MAP3K13: variants seen among roughly 807,000 people sequenced by gnomAD.
MAP3K13 encodes mitogen-activated protein kinase kinase kinase 13.
In MAP3K13, 52 loss-of-function variants were observed where a neutral mutation model predicts 104.0. That is an observed-to-expected ratio of 0.50 (90% CI 0.40 to 0.63). The LOEUF (loss-of-function observed/expected upper bound fraction) is 0.63. MAP3K13 is among the 20% of genes least tolerant of loss of function. MAP3K13 has a pLI of 0.00. For synonymous variants in MAP3K13, 394 were observed against 442.2 expected (o/e 0.89, Z 1.37); for missense variants, 914 against 1,218.5 (o/e 0.75, Z 3.72).
upstream of MAP3K13, among the ~76,000 whole-genome samples, chr3:185,361,641 G>A (rs1723633045): frequency 6.6e-6 from 1 of 152,166 alleles, no homozygotes; most frequent in Admixed American, 6.5e-5. Context: ...CTGACCTCGT[G>A]ATCCGCCCAC....
chr3:185,343,448 G>A (rs929798474), intron 2 of MAP3K13, among the ~76,000 whole-genome samples: 1 of 151,976 alleles, frequency 6.6e-6, no homozygotes, highest in African/African-American at 2.4e-5. Context: ...TCTCAGCAGG[G>A]TATGTTTATT....
At chr3:185,422,980 G>A (rs1168513195) in intron 1 of MAP3K13, among the ~76,000 whole-genome samples, 3 of 152,166 alleles carry the variant, frequency 2.0e-5, no homozygotes, top group Non-Finnish European at 4.4e-5. Flanking sequence ...AAACCCTATT[G>A]TGAACTGTGC....
chr3:185,377,879 CG>C (rs979291392), intron 1 of MAP3K13, among the ~76,000 whole-genome samples: 5 of 152,196 alleles, frequency 3.3e-5, no homozygotes, highest in African/African-American at 1.2e-4. Flanking sequence ...GGCTGCCGGG[CG>C]AGTTGGACAG....
rs139022594 is a variant in MAP3K13 at position 185,435,200 on chromosome 3, C to T, written c.476-2247C>T. 2.8e-3 allele frequency among the ~76,000 whole-genome samples: 412 copies of T among 148,806 alleles called. 4 individuals are homozygous for T. Among genetic ancestry groups the T allele is most frequent in the African/African-American group, 9.4e-3 (376 of 40,176 alleles). ...TTTTTTTTTGTATTTTTAATAGAGA[C>T]GGGGTTTCACCATATTGGCCAGGCT... On this transcript the variant is annotated intron_variant, in intron 2 of 13. Coordinates refer to ENST00000265026, the MANE Select transcript of MAP3K13 (RefSeq NM_004721.5).
At chr3:185,384,980 C>T (rs1297640358) in intron 1 of MAP3K13, among the ~76,000 whole-genome samples, 10 of 152,086 alleles carry the variant, frequency 6.6e-5, no homozygotes, top group Admixed American at 6.5e-4. Flanking sequence ...TTTTTGTTTA[C>T]TGTGCTTTTG....
intron 7 of MAP3K13, among the ~76,000 whole-genome samples, chr3:185,455,215 T>C (rs1049465699): frequency 2.5e-5 from 2 of 80,674 alleles, no homozygotes; most frequent in East Asian, 6.4e-4. Context: ...ATATATGAGA[T>C]ATATATATGA....
intron 2 of MAP3K13, among the ~76,000 whole-genome samples, chr3:185,310,029 A>T (rs976381834): frequency 2.0e-5 from 3 of 152,208 alleles, no homozygotes; most frequent in South Asian, 4.1e-4. Flanking sequence ...AGGGACAAGG[A>T]TGGAGAGAGA....
chr3:185,330,898 C>T (rs1192657456), intron 2 of MAP3K13, among the ~76,000 whole-genome samples: 1 of 152,074 alleles, frequency 6.6e-6, no homozygotes, highest in Non-Finnish European at 1.5e-5. Context: ...TTCTCTTGAA[C>T]ACATCAGACC....
At position 185,292,629 on chromosome 3, in the gene MAP3K13, C is replaced by G. The variant is rs1720784185; in HGVS notation, c.-86+6986C>G. 3.1e-6 allele frequency: 3 copies of G among 983,532 alleles called. No homozygotes were observed. The South Asian group carries it at 1.4e-4, about 46-fold the overall frequency. The allele number at this position is 983,532 out of a possible 1,614,324, so 60.9% of individuals were successfully genotyped here. On this transcript the variant is annotated intron_variant, in intron 2 of 14. Transcript: ENST00000424227. ...AAAATGTATAATACAGACAAAGGGT[C>G]CTGTTACACAGTTGGAAGTCATTCC...
At chr3:185,352,842 C>G (rs1467131932) in intron 2 of MAP3K13, among the ~76,000 whole-genome samples, 1 of 152,180 alleles carries the variant, frequency 6.6e-6, no homozygotes, top group Non-Finnish European at 1.5e-5. Context: ...AGCTTTAATT[C>G]TCAACCTAGT....
chr3:185,325,339 A>T (rs1482264158), intron 2 of MAP3K13, among the ~76,000 whole-genome samples: 1 of 152,198 alleles, frequency 6.6e-6, no homozygotes, highest in African/African-American at 2.4e-5. Flanking sequence ...CACTTAGATA[A>T]TCCAGGATGA....
chr3:185,297,087 T>A (rs948155142), intron 2 of MAP3K13, among the ~76,000 whole-genome samples: 4 of 152,134 alleles, frequency 2.6e-5, no homozygotes, highest in African/African-American at 9.7e-5. Context: ...GAGTCTTACA[T>A]AGAAACCCAG....
At chr3:185,367,450 G>T (rs1723943452) in intron 1 of MAP3K13, among the ~76,000 whole-genome samples, 1 of 152,106 alleles carries the variant, frequency 6.6e-6, no homozygotes, top group Non-Finnish European at 1.5e-5. Context: ...GATATGAAAA[G>T]GAGGGAAGAA....
intron 1 of MAP3K13, among the ~76,000 whole-genome samples, chr3:185,372,727 C>G (rs1263403781): frequency 1.3e-5 from 2 of 152,110 alleles, no homozygotes; most frequent in African/African-American, 4.8e-5. Context: ...TTTCTGCTAA[C>G]TATTTAATAG....
At position 185,428,810 on chromosome 3, in the gene MAP3K13, A is replaced by C. The variant is rs760870479; in HGVS notation, c.229A>C (p.Arg77=). 6.2e-7 allele frequency: 1 copy of C among 1,614,162 alleles called. No individual in the cohort carries two copies. The highest frequency in any genetic ancestry group is 2.2e-5 in the East Asian group (1 of 44,878). ...GTTGACGAGCGTAAGTGAGGATTCC[A>C]GGGACCAGTTTGAGAACAGCGTTCT... ...TVLTSVSEDS[R]DQFENSVLQL... The change falls in exon 2 of 14, where the codon AGG becomes CGG. Residue 77 remains arginine (R), a synonymous_variant. Transcript: ENST00000265026.
At chr3:185,363,037 T>A, upstream of MAP3K13, 10 of 984,116 alleles carry the variant, frequency 1.0e-5, no homozygotes, top group Non-Finnish European at 1.2e-5. Context: ...GCGGGCTCTG[T>A]TTATTCTGTG....
chr3:185,475,570 G>A (rs1577624627), intron 11 of MAP3K13, among the ~76,000 whole-genome samples: 1 of 152,154 alleles, frequency 6.6e-6, no homozygotes, highest in South Asian at 2.1e-4. Context: ...GTGTTTCAGG[G>A]GGTGGCCGCG....
intron 2 of MAP3K13, among the ~76,000 whole-genome samples, chr3:185,305,864 C>G (rs1329297738): frequency 6.6e-6 from 1 of 152,054 alleles, no homozygotes; most frequent in African/African-American, 2.4e-5. Context: ...TACAGTTGAT[C>G]CTGTCACCCA....
chr3:185,350,546 G>T lies in MAP3K13; in HGVS notation c.-86+64903G>T, dbSNP rs140273289. Among the ~76,000 whole-genome samples, 323 of 152,156 alleles carry T rather than the reference G, an allele frequency of 2.1e-3. 1 individual carries two copies. Among genetic ancestry groups the T allele is most frequent in the African/African-American group, 7.3e-3 (303 of 41,506 alleles). On this transcript the variant is annotated intron_variant, in intron 2 of 14. Transcript: ENST00000424227. ...TCTTGTTGGATCTCTGACTATAATT[G>T]CTTGGGTCCATGTTTCTTGTTTGTT...
Sources: allele counts gnomAD v4.1 joint callset (sites outside exome capture counted in the v4.1 genomes callset), GRCh38; gene constraint gnomAD v4.1.1; transcripts MANE v1.5; gene names NCBI Gene and HGNC (gene_info 2026-07-23, HGNC 2026-07-21).